The following COG6 variants were observed in gnomAD, a reference collection of about 807,000 sequenced individuals.
COG6 encodes the protein component of oligomeric golgi complex 6.
In COG6, 74 loss-of-function variants were observed where a neutral mutation model predicts 88.8. That is an observed-to-expected ratio of 0.83 (90% CI 0.69 to 1.01). The LOEUF (loss-of-function observed/expected upper bound fraction) is 1.01. Ranked by LOEUF, COG6 falls within the 50% of genes least tolerant of loss-of-function variation. COG6 has a pLI of 0.00. For synonymous variants in COG6, 286 were observed against 278.7 expected, an observed-to-expected ratio of 1.03 and a Z score of -0.26; for missense variants, 800 against 797.9, an observed-to-expected ratio of 1.00 and a Z score of -0.03.
At chr13:39,783,820 T>C (rs1453005313) in intron 18 of COG6, among the ~76,000 whole-genome samples, 1 of 152,208 alleles carries the variant, frequency 6.6e-6, no homozygotes, top group Non-Finnish European at 1.5e-5. Context: ...AATACAACTG[T>C]AACACAATTT....
At chr13:39,790,747 T>G (rs1881915730) in exon 19 of COG6, 1 of 152,122 alleles carries the variant, frequency 6.6e-6, no homozygotes, top group Non-Finnish European at 1.5e-5. Flanking sequence ...TGTCCATATT[T>G]TAAAGTCTTT....
chr13:39,665,199 T>C, intron 4 of COG6, 45 bp downstream of exon 4: 1 of 1,030,882 alleles, frequency 9.7e-7, no homozygotes, highest in East Asian at 2.4e-5. Flanking sequence ...ATTTGGAGAT[T>C]GGAGTCAAAG....
At chr13:39,708,876 CAGT>C (rs1369383805) in intron 13 of COG6, among the ~76,000 whole-genome samples, 1 of 151,892 alleles carries the variant, frequency 6.6e-6, no homozygotes, top group Non-Finnish European at 1.5e-5. Context: ...GTCTTAGTAC[CAGT>C]AGTGTAGTTG....
intron 18 of COG6, among the ~76,000 whole-genome samples, chr13:39,777,503 G>T (rs866973393): frequency 6.6e-6 from 1 of 152,160 alleles, no homozygotes; most frequent in Non-Finnish European, 1.5e-5. Flanking sequence ...GGTAGGCCAG[G>T]AGAAGAAACC....
intron 17 of COG6, among the ~76,000 whole-genome samples, chr13:39,726,847 A>T (rs766070462): frequency 6.6e-6 from 1 of 151,968 alleles, no homozygotes; most frequent in Non-Finnish European, 1.5e-5. Context: ...TTCACTTCAA[A>T]TGTCCTTTCC....
chr13:39,733,251 C>T (rs1380763275), intron 18 of COG6, among the ~76,000 whole-genome samples: 2 of 144,370 alleles, frequency 1.4e-5, no homozygotes, highest in Non-Finnish European at 3.0e-5. Flanking sequence ...AGTGGAGCGG[C>T]GCGATCTTGG....
intron 11 of COG6, among the ~76,000 whole-genome samples, chr13:39,691,585 G>A (rs148837754): frequency 3.3e-4 from 50 of 151,950 alleles, no homozygotes; most frequent in African/African-American, 1.0e-3. Context: ...CAATAGTTAC[G>A]TATCAAATTA....
chr13:39,750,015 A>G (rs573048687), intron 18 of COG6, among the ~76,000 whole-genome samples: 2 of 152,328 alleles, frequency 1.3e-5, no homozygotes, highest in East Asian at 3.9e-4. Context: ...GCAAGAGGTC[A>G]TTTTAGAACC....
chr13:39,718,277 A>G (rs911609973), intron 13 of COG6, among the ~76,000 whole-genome samples: 8 of 152,092 alleles, frequency 5.3e-5, no homozygotes, highest in Non-Finnish European at 1.2e-4. Context: ...AACTTTCTAC[A>G]TGAAACCATC....
intron 13 of COG6, among the ~76,000 whole-genome samples, chr13:39,708,553 G>C (rs1326148530): frequency 6.6e-6 from 1 of 152,020 alleles, no homozygotes; most frequent in South Asian, 2.1e-4. Context: ...TCAAATTTTT[G>C]AGTATGGTAT....
chr13:39,705,413 C>G (rs1017191954), intron 13 of COG6, among the ~76,000 whole-genome samples: 6 of 152,060 alleles, frequency 3.9e-5, no homozygotes. Flanking sequence ...GGCATACTCC[C>G]TTCCTTATCA....
At chr13:39,779,092 TGCG>T (rs1213379104) in intron 18 of COG6, among the ~76,000 whole-genome samples, 44 of 152,316 alleles carry the variant, frequency 2.9e-4, no homozygotes, top group African/African-American at 1.1e-3. Flanking sequence ...ACTGTCACAC[TGCG>T]TGACCTTGAG....
intron 18 of COG6, among the ~76,000 whole-genome samples, chr13:39,762,428 T>G (rs1881045779): frequency 6.6e-6 from 1 of 151,860 alleles, no homozygotes; most frequent in Admixed American, 6.6e-5. Flanking sequence ...AGCTAAATAG[T>G]AGAAATAAGT....
intron 1 of COG6, among the ~76,000 whole-genome samples, chr13:39,657,740 A>G (rs996456241): frequency 2.0e-5 from 3 of 152,208 alleles, no homozygotes; most frequent in Non-Finnish European, 4.4e-5. Flanking sequence ...TTAGTGTACA[A>G]TGGGGATGTC....
chr13:39,687,668 T>C (rs945812844), intron 9 of COG6, 37 bp downstream of exon 9: 1 of 1,614,040 alleles, frequency 6.2e-7, no homozygotes, highest in African/African-American at 1.3e-5. Context: ...AGTTGATGTT[T>C]TTCCAAAGGA....
exon 19 of COG6, chr13:39,788,843 A>G (rs149995618): frequency 1.3e-5 from 2 of 155,620 alleles, no homozygotes; most frequent in African/African-American, 2.4e-5. Flanking sequence ...AAACTTCACT[A>G]TTCTTTGTGT....
intron 18 of COG6, among the ~76,000 whole-genome samples, chr13:39,730,255 T>C (rs1259703701): frequency 6.6e-6 from 1 of 152,146 alleles, no homozygotes; most frequent in Non-Finnish European, 1.5e-5. Context: ...TATATAAGTA[T>C]TAATACTACA....
At chr13:39,677,052 A>G (rs1876014733) in intron 4 of COG6, among the ~76,000 whole-genome samples, 2 of 152,218 alleles carry the variant, frequency 1.3e-5, no homozygotes, top group Non-Finnish European at 1.5e-5. Context: ...ACGTCATGTG[A>G]AAACTTAAAA....
In COG6 at chr13:39,701,034, A is replaced by G. The variant is rs529054263; in HGVS notation, c.1284+1416A>G. On this transcript the variant is annotated intron_variant, in intron 13 of 18. Transcript: ENST00000455146. ...TATCACTTGTAAAGTGATGTGTTTT[A>G]TATATATAAGTGGGGAGGCTAGGTT... Among the ~76,000 whole-genome samples, 15 of 152,048 alleles carry G rather than the reference A, an allele frequency of 9.9e-5. 1 individual carries two copies. In the South Asian group the frequency reaches 1.9e-3, roughly 19 times the overall value.
Sources: gnomAD v4.1 joint callset for allele counts (sites outside exome capture counted in the v4.1 genomes callset) on GRCh38, gnomAD v4.1.1 for gene constraint, MANE v1.5 for transcripts, NCBI Gene and HGNC (gene_info 2026-07-23, HGNC 2026-07-21) for gene names.